Variants in MAPKAP1 observed in about 807,000 individuals in gnomAD.
The protein encoded by MAPKAP1 is MAPK associated protein 1.
In MAPKAP1, 20 loss-of-function variants were observed where a neutral mutation model predicts 65.7. The observed-to-expected ratio is 0.30, with a 90% CI of 0.21 to 0.44. The LOEUF (loss-of-function observed/expected upper bound fraction) is 0.44, where lower values mean the gene tolerates loss of function less well. Among genes scored for constraint, MAPKAP1 ranks in the 20% least tolerant of loss-of-function variants. MAPKAP1 has a pLI of 1.00. For missense variants in MAPKAP1, 423 were observed against 648.0 expected, an observed-to-expected ratio of 0.65 and a Z score of 3.77; for synonymous variants, 222 against 244.3, an observed-to-expected ratio of 0.91 and a Z score of 0.85.
At chr9:125,577,093 C>A (rs1831433351) in intron 5 of MAPKAP1, among the ~76,000 whole-genome samples, 1 of 151,896 alleles carries the variant, frequency 6.6e-6, no homozygotes, top group Admixed American at 6.6e-5. Flanking sequence ...TTCCCGGCCG[C>A]CATCCCATCT....
At chr9:125,593,189 A>T (rs540987249) in intron 4 of MAPKAP1, among the ~76,000 whole-genome samples, 1 of 152,090 alleles carries the variant, frequency 6.6e-6, no homozygotes, top group African/African-American at 2.4e-5. Context: ...CTATAGTCCC[A>T]GCTACCCCAG....
At chr9:125,511,153 TATC>T (rs1364933868) in intron 7 of MAPKAP1, among the ~76,000 whole-genome samples, 3 of 141,332 alleles carry the variant, frequency 2.1e-5, no homozygotes, top group Non-Finnish European at 4.6e-5. Context: ...AAGTATCAGC[TATC>T]ATCATCACCA....
At chr9:125,469,030 CT>C (rs1853795330) in intron 9 of MAPKAP1, among the ~76,000 whole-genome samples, 1 of 152,110 alleles carries the variant, frequency 6.6e-6, no homozygotes, top group South Asian at 2.1e-4. Flanking sequence ...TAGATGTGCT[CT>C]TTTTCCTCTT....
At chr9:125,663,686 T>C (rs7849316) in intron 3 of MAPKAP1, among the ~76,000 whole-genome samples, 4,050 of 152,138 alleles carry the variant, frequency 0.027, 186 homozygotes, top group African/African-American at 0.093. Flanking sequence ...GGGTAGGGTA[T>C]AGGAAGGGAG....
rs1190129434 is a variant in MAPKAP1, at chr9:125,665,599, G to A, written c.349+4219C>T. 2.0e-5 allele frequency among the ~76,000 whole-genome samples: 3 copies of A among 150,734 alleles called. No homozygotes were observed. In the East Asian group the frequency reaches 5.8e-4, roughly 29 times the overall value. On this transcript the variant is annotated intron_variant, in intron 3 of 11. Transcript: ENST00000265960. ...TTCGGACTCAGCCCGCCTGCACCCA[G>A]ATGAAATAAACAGCCTTGTTGCTCA...
Position 125,488,542 on chromosome 9 carries a change from C to T in MAPKAP1, c.1067-3959G>A, listed in dbSNP as rs186567420. Among the ~76,000 whole-genome samples, 192 of 152,284 alleles carry T rather than the reference C, an allele frequency of 1.3e-3. 2 individuals carry two copies. Among genetic ancestry groups the T allele is most frequent in the African/African-American group, 4.3e-3 (179 of 41,582 alleles). On this transcript the variant is annotated intron_variant, in intron 8 of 11. Coordinates refer to ENST00000265960, the MANE Select transcript of MAPKAP1 (RefSeq NM_001006617.3). ...TGTATTTTTAGGAGAGATGGGATTT[C>T]GCCTTGTTGGCCAGGCTGGTCTCGA... is the stretch of plus-strand genomic sequence containing the variant.
At chr9:125,521,049 C>A (rs774797039) in intron 7 of MAPKAP1, among the ~76,000 whole-genome samples, 21 of 152,194 alleles carry the variant, frequency 1.4e-4, no homozygotes, top group Non-Finnish European at 2.6e-4. Flanking sequence ...CTAAGTGGAG[C>A]CCACTCAACA....
chr9:125,450,892 C>T (rs1564515074), intron 10 of MAPKAP1, among the ~76,000 whole-genome samples: 1 of 152,186 alleles, frequency 6.6e-6, no homozygotes, highest in Non-Finnish European at 1.5e-5. Flanking sequence ...TCCTCTCCAC[C>T]GTAAGCAACA....
chr9:125,701,821 C>T (rs1289878286), intron 1 of MAPKAP1, among the ~76,000 whole-genome samples: 3 of 152,166 alleles, frequency 2.0e-5, no homozygotes, highest in African/African-American at 7.2e-5. Context: ...TCTCACCAGC[C>T]AGATCTATAC....
chr9:125,549,789 T>A (rs530466075), intron 6 of MAPKAP1, among the ~76,000 whole-genome samples: 1 of 152,298 alleles, frequency 6.6e-6, no homozygotes, highest in East Asian at 1.9e-4. Context: ...CTCTTTGAGA[T>A]GCCAGTAAGA....
chr9:125,531,460 T>G (rs1167561205), intron 7 of MAPKAP1, among the ~76,000 whole-genome samples: 1 of 152,234 alleles, frequency 6.6e-6, no homozygotes, highest in Non-Finnish European at 1.5e-5. Context: ...GTGATTATTA[T>G]ACCTGTAACT....
At chr9:125,614,962 AG>A (rs1372236668) in intron 4 of MAPKAP1, among the ~76,000 whole-genome samples, 6 of 152,218 alleles carry the variant, frequency 3.9e-5, no homozygotes, top group Non-Finnish European at 8.8e-5. Context: ...TATAAGGATT[AG>A]AAATAAAACT....
At chr9:125,597,991 A>G (rs1239129449) in intron 4 of MAPKAP1, among the ~76,000 whole-genome samples, 1 of 152,132 alleles carries the variant, frequency 6.6e-6, no homozygotes, top group East Asian at 1.9e-4. Flanking sequence ...GATCAGAAGT[A>G]ATAATCTCAA....
chr9:125,690,044 C>A (rs1427521307), intron 1 of MAPKAP1, among the ~76,000 whole-genome samples: 1 of 152,090 alleles, frequency 6.6e-6, no homozygotes, highest in Non-Finnish European at 1.5e-5. Context: ...GCCTAGATTG[C>A]GCCATTGCAC....
intron 7 of MAPKAP1, among the ~76,000 whole-genome samples, chr9:125,540,737 A>T (rs1232769912): frequency 6.6e-6 from 1 of 152,240 alleles, no homozygotes; most frequent in Admixed American, 6.5e-5. Flanking sequence ...TCTTTCCACC[A>T]AGTTCATGAC....
At chr9:125,534,501 T>G (rs959836501) in intron 7 of MAPKAP1, among the ~76,000 whole-genome samples, 2 of 152,216 alleles carry the variant, frequency 1.3e-5, no homozygotes, top group Non-Finnish European at 2.9e-5. Flanking sequence ...CATCCCTCCA[T>G]TTCCCGATGA....
intron 5 of MAPKAP1, 46 bp from the exon 6 acceptor site, chr9:125,559,855 G>C: frequency 2.6e-6 from 4 of 1,568,026 alleles, no homozygotes; most frequent in Non-Finnish European, 3.5e-6. Flanking sequence ...GGTAGGGAAG[G>C]GACAAGAAGA....
intron 4 of MAPKAP1, among the ~76,000 whole-genome samples, chr9:125,609,863 G>T (rs1377786827): frequency 2.0e-5 from 3 of 152,214 alleles, no homozygotes; most frequent in African/African-American, 7.2e-5. Flanking sequence ...TTTACTCTGT[G>T]CCTGGCACTG....
intron 9 of MAPKAP1, among the ~76,000 whole-genome samples, chr9:125,482,148 A>AAAAAGAAG (rs60516268): frequency 0.012 from 1,417 of 116,900 alleles, 13 homozygotes; most frequent in African/African-American, 0.029. Flanking sequence ...AAAAAAAAAA[A>AAAAAGAAG]AAGAAGAAGA....
Sources: gnomAD v4.1 joint callset for allele counts (sites outside exome capture counted in the v4.1 genomes callset) on GRCh38, gnomAD v4.1.1 for gene constraint, MANE v1.5 for transcripts, NCBI Gene and HGNC (gene_info 2026-07-23, HGNC 2026-07-21) for gene names.